EXOC6B: variants seen among roughly 807,000 people sequenced by gnomAD.
The protein encoded by EXOC6B is exocyst complex component 6B, also known as SEC15 homolog B.
Under a neutral mutation model 113.5 loss-of-function variants are expected in EXOC6B, and 54 were observed. That is an observed-to-expected ratio of 0.48 (90% CI 0.38 to 0.60). EXOC6B has a LOEUF of 0.60. EXOC6B is among the 20% of genes least tolerant of loss of function. EXOC6B has a pLI of 0.00. For missense variants in EXOC6B, 797 were observed against 977.5 expected (o/e 0.82, Z 2.46); for synonymous variants, 357 against 339.0 (o/e 1.05, Z -0.58).
At chr2:72,432,930 A>C (rs901446144) in intron 18 of EXOC6B, among the ~76,000 whole-genome samples, 1 of 152,052 alleles carries the variant, frequency 6.6e-6, no homozygotes. Context: ...CCCATTTGTC[A>C]ATTTTGGCTT....
chr2:72,744,724 G>T (rs1211691616), intron 1 of EXOC6B, among the ~76,000 whole-genome samples: 1 of 152,110 alleles, frequency 6.6e-6, no homozygotes, highest in Non-Finnish European at 1.5e-5. Context: ...CATTCTACTG[G>T]GTAAAACTTC....
At chr2:72,725,211 G>C (rs1680229499) in intron 5 of EXOC6B, among the ~76,000 whole-genome samples, 1 of 152,136 alleles carries the variant, frequency 6.6e-6, no homozygotes, top group Admixed American at 6.5e-5. Context: ...CTTACAGGGA[G>C]ACAAAGGTAA....
At chr2:72,354,611 G>C (rs1689865207) in intron 19 of EXOC6B, among the ~76,000 whole-genome samples, 2 of 152,186 alleles carry the variant, frequency 1.3e-5, no homozygotes, top group Non-Finnish European at 2.9e-5. Context: ...TGGAATTCAA[G>C]GAACTTCAGC....
intron 6 of EXOC6B, among the ~76,000 whole-genome samples, chr2:72,608,580 C>G (rs148459438): frequency 2.0e-5 from 3 of 152,236 alleles, no homozygotes; most frequent in African/African-American, 7.2e-5. Flanking sequence ...TGTTTACACA[C>G]AGTCAGCAGC....
chr2:72,712,759 T>G (rs976424812), intron 6 of EXOC6B, among the ~76,000 whole-genome samples: 1 of 152,178 alleles, frequency 6.6e-6, no homozygotes, highest in East Asian at 1.9e-4. Flanking sequence ...AAAAGTGATT[T>G]TATTGGATGT....
At chr2:72,280,279 T>G (rs1685056702) in intron 20 of EXOC6B, among the ~76,000 whole-genome samples, 1 of 152,128 alleles carries the variant, frequency 6.6e-6, no homozygotes, top group African/African-American at 2.4e-5. Context: ...CTTCATAAAT[T>G]AATTCAGATA....
At chr2:72,271,274 G>A (rs1410346094) in intron 20 of EXOC6B, among the ~76,000 whole-genome samples, 1 of 152,126 alleles carries the variant, frequency 6.6e-6, no homozygotes, top group Admixed American at 6.6e-5. Context: ...AGTAGGTAAA[G>A]ATCACAGTGA....
intron 8 of EXOC6B, chr2:72,515,416 A>G: frequency 8.4e-7 from 1 of 1,187,202 alleles, no homozygotes; most frequent in East Asian, 4.6e-5. Flanking sequence ...TCAAATTCAC[A>G]AGAATGCAGG....
chr2:72,615,980 G>A (rs189563873), intron 6 of EXOC6B, among the ~76,000 whole-genome samples: 3 of 151,968 alleles, frequency 2.0e-5, no homozygotes, highest in African/African-American at 7.2e-5. Context: ...ATTTTTCAAT[G>A]TAAACCAAAA....
intron 18 of EXOC6B, among the ~76,000 whole-genome samples, chr2:72,405,474 G>A (rs1292086856): frequency 6.6e-6 from 1 of 152,208 alleles, no homozygotes; most frequent in Non-Finnish European, 1.5e-5. Context: ...TACCCACAAA[G>A]GGAAGCCCAT....
At chr2:72,235,686 G>T (rs1053073816) in intron 20 of EXOC6B, among the ~76,000 whole-genome samples, 4 of 151,796 alleles carry the variant, frequency 2.6e-5, no homozygotes, top group African/African-American at 9.7e-5. Context: ...CTTTATTCTA[G>T]ACCCCTTTCT....
chr2:72,460,097 A>C (rs62149325), intron 18 of EXOC6B, among the ~76,000 whole-genome samples: 20,260 of 151,136 alleles, frequency 0.13, 1,637 homozygotes, highest in African/African-American at 0.23. Flanking sequence ...GAAAAACAAG[A>C]AATGGGGAAA....
At chr2:72,470,204 T>A (rs901996658) in intron 17 of EXOC6B, among the ~76,000 whole-genome samples, 1 of 152,184 alleles carries the variant, frequency 6.6e-6, no homozygotes, top group Non-Finnish European at 1.5e-5. Context: ...ATTCTTCTGA[T>A]ATATAAGTAT....
chr2:72,721,599 TAGCA>T (rs1680015001), intron 5 of EXOC6B, among the ~76,000 whole-genome samples: 1 of 151,958 alleles, frequency 6.6e-6, no homozygotes. Flanking sequence ...TGAAGAATTT[TAGCA>T]AAACAACTAT....
intron 19 of EXOC6B, among the ~76,000 whole-genome samples, chr2:72,336,867 C>T (rs1270705569): frequency 6.6e-6 from 1 of 151,928 alleles, no homozygotes; most frequent in African/African-American, 2.4e-5. Flanking sequence ...ATTAGCTGGG[C>T]ATGGTGACAC....
chr2:72,645,521 A>C (rs1489386327), intron 6 of EXOC6B, among the ~76,000 whole-genome samples: 1 of 152,202 alleles, frequency 6.6e-6, no homozygotes, highest in Non-Finnish European at 1.5e-5. Context: ...TTATTCCAAA[A>C]TTGACCACAC....
At chr2:72,492,765 T>C (rs1209413869) in intron 15 of EXOC6B, among the ~76,000 whole-genome samples, 2 of 152,074 alleles carry the variant, frequency 1.3e-5, no homozygotes, top group Non-Finnish European at 2.9e-5. Flanking sequence ...CTTATCATTA[T>C]ACTATCATGT....
At chr2:72,296,710 CA>C (rs1032938615) in intron 20 of EXOC6B, among the ~76,000 whole-genome samples, 58 of 152,110 alleles carry the variant, frequency 3.8e-4, no homozygotes, top group Admixed American at 2.0e-4. Flanking sequence ...GAGTAAAACA[CA>C]TCTCAAGAGA....
Position 72,540,244 on chromosome 2 carries a change from C to T in EXOC6B, c.915+19209G>A, listed in dbSNP as rs1032612453. ...AAGTCTTTGCTATTGTGAACAGTGCCGCAATAAACATACGTGTGCATGTGT... is the reference window on the plus strand; with the variant it reads ...AAGTCTTTGCTATTGTGAACAGTGCTGCAATAAACATACGTGTGCATGTGT... On this transcript the variant is annotated intron_variant, in intron 8 of 21. Coordinates refer to ENST00000272427, the MANE Select transcript of EXOC6B (RefSeq NM_015189.3). Among the ~76,000 whole-genome samples the T allele has an allele frequency of 2.2e-4, 33 of 151,822 alleles. No individual in the cohort carries two copies. In the East Asian group the frequency reaches 3.7e-3, roughly 17 times the overall value.
Sources: gnomAD v4.1 joint callset for allele counts (sites outside exome capture counted in the v4.1 genomes callset) on GRCh38, gnomAD v4.1.1 for gene constraint, MANE v1.5 for transcripts, NCBI Gene and HGNC (gene_info 2026-07-23, HGNC 2026-07-21) for gene names.